The following REV3L variants were observed in gnomAD, a reference collection of about 807,000 sequenced individuals.
REV3L encodes REV3 like, DNA directed polymerase zeta catalytic subunit, also known as DNA polymerase zeta catalytic subunit.
Under a neutral mutation model 299.4 loss-of-function variants are expected in REV3L, and 69 were observed. The observed-to-expected ratio is 0.23, with a 90% CI of 0.19 to 0.28. REV3L has a LOEUF of 0.28. Among genes scored for constraint, REV3L ranks in the 10% least tolerant of loss-of-function variants. REV3L has a pLI of 1.00. For missense variants in REV3L, 3,128 were observed against 3,693.8 expected (o/e 0.85, Z 3.97); for synonymous variants, 1,238 against 1,271.4 (o/e 0.97, Z 0.56).
intron 13 of REV3L, among the ~76,000 whole-genome samples, chr6:111,370,195 G>A (rs1217448761): frequency 6.6e-6 from 1 of 152,122 alleles, no homozygotes; most frequent in Non-Finnish European, 1.5e-5. Context: ...TGCAGGACAA[G>A]TGTCAAAGTT....
chr6:111,305,721 TAAGA>T (rs1485371885), intron 31 of REV3L, among the ~76,000 whole-genome samples: 2 of 151,958 alleles, frequency 1.3e-5, no homozygotes, highest in African/African-American at 4.8e-5. Flanking sequence ...AGAAAAAACA[TAAGA>T]AAGTCTAGGA....
chr6:111,465,750 A>AAC (rs1384327033), intron 1 of REV3L, among the ~76,000 whole-genome samples: 4 of 150,614 alleles, frequency 2.7e-5, no homozygotes, highest in Non-Finnish European at 5.9e-5. Context: ...AAAACCAAAA[A>AAC]AAAAAAAAAA....
intron 25 of REV3L, 40 bp from the exon 26 acceptor site, chr6:111,322,718 G>A: frequency 1.4e-6 from 2 of 1,438,256 alleles, no homozygotes; most frequent in Non-Finnish European, 2.0e-6. Context: ...TCTTAACATA[G>A]CTCAGTATAA....
At chr6:111,339,817 A>G (rs1476349645) in intron 21 of REV3L, among the ~76,000 whole-genome samples, 2 of 152,186 alleles carry the variant, frequency 1.3e-5, no homozygotes, top group African/African-American at 4.8e-5. Flanking sequence ...GACTAACCAT[A>G]TAACATAAAA....
At chr6:111,466,909 CAGTA>C (rs1791581236) in intron 1 of REV3L, among the ~76,000 whole-genome samples, 1 of 152,062 alleles carries the variant, frequency 6.6e-6, no homozygotes, top group African/African-American at 2.4e-5. Flanking sequence ...AAGAAAATAA[CAGTA>C]AGTCAATAAT....
At chr6:111,348,661 G>A (rs1562161060) in intron 20 of REV3L, among the ~76,000 whole-genome samples, 1 of 152,098 alleles carries the variant, frequency 6.6e-6, no homozygotes, top group Non-Finnish European at 1.5e-5. Flanking sequence ...ATATTTTATT[G>A]TATTTTGAGA....
At chr6:111,324,418 T>C (rs1774514301) in intron 25 of REV3L, among the ~76,000 whole-genome samples, 1 of 152,200 alleles carries the variant, frequency 6.6e-6, no homozygotes. Flanking sequence ...AAACTCAAAT[T>C]GAATAAAATG....
intron 25 of REV3L, among the ~76,000 whole-genome samples, chr6:111,324,147 G>A (rs1774490983): frequency 6.6e-6 from 1 of 152,136 alleles, no homozygotes. Context: ...TTACAGGAGT[G>A]TGCCACCATG....
At chr6:111,414,111 A>G (rs1784529291) in intron 2 of REV3L, among the ~76,000 whole-genome samples, 1 of 152,094 alleles carries the variant, frequency 6.6e-6, no homozygotes, top group Non-Finnish European at 1.5e-5. Context: ...TAAGTAAATA[A>G]ATAAAAATTA....
chr6:111,431,498 AG>A (rs1786923473), intron 1 of REV3L: 1 of 966,038 alleles, frequency 1.0e-6, no homozygotes, highest in Non-Finnish European at 1.7e-6. Context: ...AGCTAGCTCC[AG>A]GAAGCCCAGA....
At chr6:111,357,282 C>T (rs1778188708) in intron 17 of REV3L, among the ~76,000 whole-genome samples, 157 bp from the exon 18 acceptor site, 1 of 152,094 alleles carries the variant, frequency 6.6e-6, no homozygotes, top group South Asian at 2.1e-4. Flanking sequence ...ATAACTAACT[C>T]AATGTCTTTA....
At chr6:111,470,626 C>G (rs1792082851) in intron 1 of REV3L, among the ~76,000 whole-genome samples, 1 of 152,182 alleles carries the variant, frequency 6.6e-6, no homozygotes, top group South Asian at 2.1e-4. Flanking sequence ...GCATTATCAA[C>G]TAAGGTGTGA....
At chr6:111,387,657 A>G in intron 9 of REV3L, 108 bp downstream of exon 9, 1 of 1,111,126 alleles carries the variant, frequency 9.0e-7, no homozygotes, top group Non-Finnish European at 1.3e-6. Context: ...TATCCACAAT[A>G]TTTATTTCAT....
intron 1 of REV3L, among the ~76,000 whole-genome samples, chr6:111,458,482 G>A (rs1002672548): frequency 6.6e-5 from 10 of 152,122 alleles, no homozygotes; most frequent in African/African-American, 2.4e-4. Flanking sequence ...AGGAAAAGAA[G>A]AAGTCAAACT....
chr6:111,357,154 T>C (rs1402919292), intron 17 of REV3L, 29 bp from the exon 18 acceptor site: 1 of 827,642 alleles, frequency 1.2e-6, no homozygotes, highest in Non-Finnish European at 1.8e-6. Context: ...GTCTATTATA[T>C]ATAACATTAT....
chr6:111,319,395 A>C (rs1046007238), intron 26 of REV3L, among the ~76,000 whole-genome samples: 1 of 152,048 alleles, frequency 6.6e-6, no homozygotes, highest in Non-Finnish European at 1.5e-5. Flanking sequence ...TGGGAGGCAG[A>C]GCATGCAGTG....
intron 2 of REV3L, 119 bp from the exon 3 acceptor site, chr6:111,411,673 C>A (rs1784266439): frequency 3.0e-6 from 2 of 666,256 alleles, no homozygotes; most frequent in South Asian, 4.7e-5. Context: ...ATATTATCCA[C>A]CCCCCAAAAA....
rs751971088 is a variant in REV3L at position 111,300,172 on chromosome 6, A to AAAT, written c.9253-19_9253-17dup. 4.5e-6 allele frequency: 7 copies of AAAT among 1,545,434 alleles called. No individual in the cohort carries two copies. Among genetic ancestry groups the AAAT allele is most frequent in the Non-Finnish European group, 4.3e-6 (5 of 1,150,444 alleles). On this transcript the variant is annotated splice_polypyrimidine_tract_variant and intron_variant, in intron 31 of 31. Transcript: ENST00000368802. ...TCTTGCATATCTGAAAGCATAAGAG[A>AAAT]AATACAAAAAATAATAGGAAAGTTT...
In REV3L at chr6:111,367,938, A is replaced by T. The variant is rs780807856; in HGVS notation, c.5850T>A (p.Arg1950=). ...FEGDFSLEGL[R]LWKTAFSAMT... ...TTGCTGAGAATGCTGTTTTCCAAAG[A>T]CGAAGTCCTTCCAAGGAAAAGTCTC... is the stretch of plus-strand genomic sequence containing the variant. The change falls in exon 14 of 32, where the codon CGT becomes CGA. Residue 1950 remains arginine (R), a synonymous_variant. Coordinates refer to ENST00000368802, the MANE Select transcript of REV3L (RefSeq NM_001372078.1). 3.1e-6 allele frequency: 5 copies of T among 1,614,036 alleles called. No individual in the cohort carries two copies. Among genetic ancestry groups the T allele is most frequent in the Non-Finnish European group, 3.4e-6 (4 of 1,180,014 alleles).
Sources: allele counts gnomAD v4.1 joint callset (sites outside exome capture counted in the v4.1 genomes callset), GRCh38; gene constraint gnomAD v4.1.1; transcripts MANE v1.5; gene names NCBI Gene and HGNC (gene_info 2026-07-23, HGNC 2026-07-21).